The following SEMA6D variants were observed in gnomAD, a reference collection of about 807,000 sequenced individuals.
SEMA6D encodes the protein semaphorin 6D.
SEMA6D carries 35 observed loss-of-function variants against 106.6 expected under a neutral mutation model. The observed-to-expected ratio is 0.33, with a 90% confidence interval of 0.25 to 0.44. SEMA6D has a LOEUF of 0.44. Among genes scored for constraint, SEMA6D ranks in the 20% least tolerant of loss-of-function variants. The pLI, the probability that SEMA6D is intolerant of heterozygous loss-of-function variation, is 1.00. For missense variants in SEMA6D, 1,185 were observed against 1,345.9 expected, an observed-to-expected ratio of 0.88 and a Z score of 1.87; for synonymous variants, 499 against 487.7, an observed-to-expected ratio of 1.02 and a Z score of -0.31.
At chr15:47,623,089 C>A (rs2077137815) in intron 4 of SEMA6D, among the ~76,000 whole-genome samples, 1 of 152,186 alleles carries the variant, frequency 6.6e-6, no homozygotes, top group Non-Finnish European at 1.5e-5. Context: ...GCCCTGTCTT[C>A]AAGTCAAAAT....
chr15:47,318,024 CTTT>C (rs71425594), intron 1 of SEMA6D, among the ~76,000 whole-genome samples: 1 of 116,938 alleles, frequency 8.6e-6, no homozygotes, highest in Non-Finnish European at 1.8e-5. Context: ...TCCCACAGTT[CTTT>C]TTTTTTTTTT....
chr15:47,354,847 C>T (rs891497710), intron 1 of SEMA6D, among the ~76,000 whole-genome samples: 1 of 152,228 alleles, frequency 6.6e-6, no homozygotes, highest in African/African-American at 2.4e-5. Context: ...GGTGACAAAA[C>T]GAGTTTACTT....
Position 47,228,163 on chromosome 15 carries a change from C to CACACACACACAT in SEMA6D, c.-239+43746_-239+43747insCACACACACATA, listed in dbSNP as rs374770930. Among the ~76,000 whole-genome samples, 191 of 136,822 alleles carry CACACACACACAT rather than the reference C, an allele frequency of 1.4e-3. 1 individual carries two copies. The highest frequency in any genetic ancestry group is 1.4e-3 in the African/African-American group (53 of 36,820). 89.8% of individuals were successfully genotyped at this position (136,822 alleles called of 152,430 possible). On this transcript the variant is annotated intron_variant, in intron 1 of 19. Coordinates refer to the SEMA6D transcript ENST00000558014. ...ACACACACACACACACACACACACACATATATATATAACCTTTTGTTACTT... is the reference window on the plus strand; with the variant it reads ...ACACACACACACACACACACACACACACACACACACATATATATATATAACCTTTTGTTACTT...
chr15:47,404,087 T>A (rs2146051931), intron 1 of SEMA6D, among the ~76,000 whole-genome samples: 1 of 152,308 alleles, frequency 6.6e-6, no homozygotes, highest in East Asian at 1.9e-4. Context: ...AACATGCGTC[T>A]ATCAGTAAGA....
At chr15:47,766,496 T>C in intron 15 of SEMA6D, 120 bp from the exon 16 acceptor site, 1 of 843,062 alleles carries the variant, frequency 1.2e-6, no homozygotes, top group Non-Finnish European at 1.9e-6. Flanking sequence ...TGTTGTTTTT[T>C]TTTTTTCTCT....
chr15:47,272,683 T>C (rs62014048), intron 1 of SEMA6D: 2,644 of 152,692 alleles, frequency 0.017, 49 homozygotes, highest in African/African-American at 0.02. Flanking sequence ...AGGCGGCTGT[T>C]CCCTTCTTCC....
chr15:47,460,866 G>A (rs576612416), intron 2 of SEMA6D, among the ~76,000 whole-genome samples: 2 of 152,166 alleles, frequency 1.3e-5, no homozygotes, highest in East Asian at 3.9e-4. Context: ...TAATGACCCG[G>A]AAATTAACTC....
intron 4 of SEMA6D, among the ~76,000 whole-genome samples, chr15:47,673,745 G>A (rs1038525909): frequency 1.3e-5 from 2 of 152,126 alleles, no homozygotes; most frequent in Non-Finnish European, 2.9e-5. Flanking sequence ...GACAGATTAC[G>A]GAGAGAGACC....
intron 1 of SEMA6D, among the ~76,000 whole-genome samples, chr15:47,354,634 A>G (rs1206730568): frequency 6.6e-6 from 1 of 151,616 alleles, no homozygotes; most frequent in Non-Finnish European, 1.5e-5. Context: ...CATATTTCTG[A>G]AAGTTTTCCA....
At chr15:47,209,779 A>T (rs1187482680) in intron 1 of SEMA6D, among the ~76,000 whole-genome samples, 1 of 152,124 alleles carries the variant, frequency 6.6e-6, no homozygotes, top group Non-Finnish European at 1.5e-5. Context: ...GTTTCTAAGG[A>T]AGTTTCTCAA....
intron 1 of SEMA6D, among the ~76,000 whole-genome samples, chr15:47,282,231 C>T (rs1290772083): frequency 3.3e-5 from 5 of 152,106 alleles, no homozygotes; most frequent in Non-Finnish European, 5.9e-5. Context: ...CTACCCTATC[C>T]CCACCAACAA....
chr15:47,568,286 A>T (rs2046287264), intron 3 of SEMA6D, among the ~76,000 whole-genome samples: 2 of 152,006 alleles, frequency 1.3e-5, no homozygotes, highest in African/African-American at 2.4e-5. Context: ...TATGGCTATG[A>T]TCATCTTTGT....
intron 4 of SEMA6D, among the ~76,000 whole-genome samples, chr15:47,616,131 A>G (rs1464553919): frequency 4.0e-5 from 6 of 151,514 alleles, no homozygotes; most frequent in Admixed American, 2.0e-4. Context: ...TTCATTTGTT[A>G]TATACTCAAG....
intron 11 of SEMA6D, 46 bp downstream of exon 11, chr15:47,764,351 C>G: frequency 6.3e-7 from 1 of 1,584,026 alleles, no homozygotes; most frequent in Non-Finnish European, 8.6e-7. Flanking sequence ...CAAAACCTTC[C>G]GGTCATTGGA....
intron 2 of SEMA6D, among the ~76,000 whole-genome samples, chr15:47,445,694 G>A (rs912752857): frequency 1.3e-5 from 2 of 151,894 alleles, no homozygotes; most frequent in Admixed American, 6.6e-5. Flanking sequence ...TTTCAGTTTA[G>A]TAAGAGGCTT....
intron 4 of SEMA6D, among the ~76,000 whole-genome samples, chr15:47,637,877 T>C (rs1477326738): frequency 6.6e-6 from 1 of 152,178 alleles, no homozygotes; most frequent in Non-Finnish European, 1.5e-5. Flanking sequence ...ACTTGACTAA[T>C]GAAATCCCCA....
intron 4 of SEMA6D, among the ~76,000 whole-genome samples, chr15:47,684,524 C>A (rs2078429688): frequency 6.6e-6 from 1 of 152,058 alleles, no homozygotes; most frequent in Non-Finnish European, 1.5e-5. Flanking sequence ...AGAATGTAAG[C>A]TCCATAATAG....
intron 1 of SEMA6D, among the ~76,000 whole-genome samples, chr15:47,358,905 G>A (rs1293260531): frequency 6.6e-6 from 1 of 152,112 alleles, no homozygotes; most frequent in Non-Finnish European, 1.5e-5. Context: ...CAATCCTTTG[G>A]TCCCCACTTT....
chr15:47,638,531 A>G (rs1264162470), intron 4 of SEMA6D, among the ~76,000 whole-genome samples: 1 of 152,220 alleles, frequency 6.6e-6, no homozygotes, highest in Non-Finnish European at 1.5e-5. Context: ...CTCTTGAACA[A>G]TGTTTGACAA....
Sources: allele counts gnomAD v4.1 joint callset (sites outside exome capture counted in the v4.1 genomes callset), GRCh38; gene constraint gnomAD v4.1.1; transcripts MANE v1.5; gene names NCBI Gene and HGNC (gene_info 2026-07-23, HGNC 2026-07-21).